ATM: variants seen among roughly 807,000 people sequenced by gnomAD.
ATM encodes the protein ATM serine/threonine kinase.
ATM carries 308 observed loss-of-function variants against 387.0 expected under a neutral mutation model. The ratio of observed to expected loss-of-function variants is 0.80; its 90% CI spans 0.73 to 0.87. The LOEUF (loss-of-function observed/expected upper bound fraction) is 0.87, where lower values mean the gene tolerates loss of function less well. Ranked by LOEUF, ATM falls within the 40% of genes least tolerant of loss-of-function variation. ATM has a pLI of 0.00. For synonymous variants in ATM, 1,156 were observed against 1,187.3 expected, an observed-to-expected ratio of 0.97 and a Z score of 0.54; for missense variants, 3,312 against 3,560.9, an observed-to-expected ratio of 0.93 and a Z score of 1.78.
At chr11:108,348,448 T>C (rs1440999997) in intron 59 of ATM, among the ~76,000 whole-genome samples, 6 of 151,228 alleles carry the variant, frequency 4.0e-5, no homozygotes, top group Non-Finnish European at 7.4e-5. Context: ...AAAGAATATA[T>C]ATAGCTAAGA....
chr11:108,308,596 A>G lies in ATM; in HGVS notation c.5762+612A>G, dbSNP rs4988062. On this transcript the variant is annotated intron_variant, in intron 38 of 62. Coordinates refer to ENST00000675843, the MANE Select transcript of ATM (RefSeq NM_000051.4). ...GATGAGTACTGCTTGAGAGTTGACC[A>G]GAACTCTGAAGAAATAGTGTAGTAG... 1,057 of 193,878 alleles carry G rather than the reference A, an allele frequency of 5.5e-3. 15 individuals carry two copies. The highest frequency in any genetic ancestry group is 0.023 in the African/African-American group (970 of 42,438). 12.0% of individuals were successfully genotyped at this position (193,878 alleles called of 1,614,324 possible).
rs1060501555 is a variant in ATM, at chr11:108,267,247, A to G, written c.2543A>G (p.Glu848Gly). 1 of 1,614,098 alleles carries G rather than the reference A, an allele frequency of 6.2e-7. No individual in the cohort carries two copies. Among genetic ancestry groups the G allele is most frequent in the Non-Finnish European group, 8.5e-7 (1 of 1,179,948 alleles). Residue 848 changes from glutamate to glycine, a missense_variant, in exon 17 of 63, where the codon GAG becomes GGG. Transcript: ENST00000675843. ...GATGATACTAATGGAAATCTAATGG[A>G]GGTGGAGGATCAGTCATCCATGAAT... The part of the protein sequence containing the change: ...MEDDTNGNLM[E>G]VEDQSSMNLF...
chr11:108,348,398 CT>C (rs1166712948), intron 59 of ATM, among the ~76,000 whole-genome samples: 2 of 139,502 alleles, frequency 1.4e-5, no homozygotes, highest in African/African-American at 5.4e-5. Context: ...GAATATGTAG[CT>C]TCTATGTATA....
intron 29 of ATM, among the ~76,000 whole-genome samples, chr11:108,291,165 G>A (rs1447325744): frequency 2.0e-5 from 3 of 152,044 alleles, no homozygotes; most frequent in Non-Finnish European, 4.4e-5. Flanking sequence ...GAACCAGGTA[G>A]GCAGATCTTG....
At chr11:108,299,949 C>T (rs1329747087) in intron 34 of ATM, 64 bp downstream of exon 34, 3 of 1,436,754 alleles carry the variant, frequency 2.1e-6, no homozygotes, top group South Asian at 1.2e-5. Context: ...TGATACTTCA[C>T]ACAAATAGAT....
chr11:108,361,518 G>A (rs2090753457), intron 61 of ATM, among the ~76,000 whole-genome samples: 1 of 151,982 alleles, frequency 6.6e-6, no homozygotes, highest in Non-Finnish European at 1.5e-5. Flanking sequence ...GAACAAAGCT[G>A]GAGGCATCAC....
chr11:108,297,778 G>A (rs781500427), intron 33 of ATM, among the ~76,000 whole-genome samples: 5 of 152,120 alleles, frequency 3.3e-5, no homozygotes, highest in Non-Finnish European at 7.4e-5. Context: ...TGCTAGCTAA[G>A]TTACATGCCT....
At chr11:108,337,497 G>C (rs891965514) in intron 56 of ATM, among the ~76,000 whole-genome samples, 7 of 152,178 alleles carry the variant, frequency 4.6e-5, no homozygotes, top group Non-Finnish European at 1.0e-4. Flanking sequence ...ACAGATTTCT[G>C]ATCCCCATTC....
At chr11:108,264,031 CA>C (rs2135470633) in intron 16 of ATM, among the ~76,000 whole-genome samples, 1 of 150,558 alleles carries the variant, frequency 6.6e-6, no homozygotes, top group Non-Finnish European at 1.5e-5. Context: ...GATGGATTCA[CA>C]GCCGAATTCT....
At chr11:108,360,829 G>C (rs227042) in intron 61 of ATM, among the ~76,000 whole-genome samples, 3,866 of 72,350 alleles carry the variant, frequency 0.053, no homozygotes, top group Middle Eastern at 0.074. Flanking sequence ...GACAAACCCA[G>C]AGCCAATATC....
At chr11:108,225,195 A>T (rs1376817353) in intron 1 of ATM, 1 of 152,190 alleles carries the variant, frequency 6.6e-6, no homozygotes, top group African/African-American at 2.4e-5. Context: ...CATTTTCCTT[A>T]TTGACTCAAG....
intron 38 of ATM, 27 bp from the exon 39 acceptor site, chr11:108,310,129 GTGAA>G: frequency 1.2e-6 from 2 of 1,600,148 alleles, no homozygotes; most frequent in Non-Finnish European, 1.7e-6. Context: ...GTTTAAAAAA[GTGAA>G]TGACATTATA....
chr11:108,295,218 C>T, intron 32 of ATM, 159 bp downstream of exon 32: 1 of 890,948 alleles, frequency 1.1e-6, no homozygotes. Context: ...CTGGTCCTAA[C>T]TGGTCTTCTC....
At chr11:108,329,413 G>GTGT in intron 49 of ATM, 175 bp downstream of exon 49, 1 of 559,156 alleles carries the variant, frequency 1.8e-6, no homozygotes, top group Non-Finnish European at 3.1e-6. Context: ...TTTGTTTTTT[G>GTGT]TTTTTTTTTT....
Position 108,227,601 on chromosome 11 carries a change from A to G in ATM, c.-24A>G, listed in dbSNP as rs890413530. ...ATATGTATTTTTTTTACAGACAGTG[A>G]TGTGTGTTCTGAAATTGTGAACCAT... On this transcript the variant is annotated 5_prime_UTR_variant, in exon 2 of 63. The change abolishes an upstream ATG in the 5' untranslated region. Coordinates refer to ENST00000675843, the MANE Select transcript of ATM (RefSeq NM_000051.4). The G allele has an allele frequency of 5.0e-6, 8 of 1,603,620 alleles. No homozygotes were observed. The African/African-American group carries it at 1.1e-4, about 21-fold the overall frequency.
intron 14 of ATM, among the ~76,000 whole-genome samples, chr11:108,256,658 C>T (rs1374867734): frequency 6.6e-6 from 1 of 152,078 alleles, no homozygotes; most frequent in Non-Finnish European, 1.5e-5. Context: ...CTAATGTTAT[C>T]CCTCCCCTAG....
intron 34 of ATM, among the ~76,000 whole-genome samples, chr11:108,300,577 C>T (rs888101202): frequency 2.0e-5 from 3 of 152,158 alleles, no homozygotes; most frequent in Admixed American, 2.0e-4. Context: ...ACTTCCCTTC[C>T]TCCTTCTCTT....
At position 108,253,833 on chromosome 11, in the gene ATM, A is replaced by T. The variant is rs879254190; in HGVS notation, c.1918A>T (p.Lys640Ter). The change falls in exon 13 of 63, where the codon AAA (lysine) becomes TAA (stop). Residue 640 changes from lysine to a stop codon, truncating the protein, a stop_gained. Transcript: ENST00000675843. LOFTEE classifies it high-confidence loss of function. ...VPECEHHQKD[K>*]EELSFSEVEE... is the part of the protein sequence containing the mutation. Reference sequence around the variant, plus strand: ...TTGAAGTGAACACCACCAAAAAGATAAAGAAGAACTTTCATTCTCAGAAGT... The same window carrying T: ...TTGAAGTGAACACCACCAAAAAGATTAAGAAGAACTTTCATTCTCAGAAGT... 6.2e-7 allele frequency: 1 copy of T among 1,613,716 alleles called. No individual in the cohort carries two copies. Among genetic ancestry groups the T allele is most frequent in the Non-Finnish European group, 8.5e-7 (1 of 1,179,876 alleles).
chr11:108,254,323 A>G (rs755531895), intron 13 of ATM, among the ~76,000 whole-genome samples: 38 of 152,190 alleles, frequency 2.5e-4, no homozygotes, highest in Non-Finnish European at 4.1e-4. Flanking sequence ...TAGGGATTAT[A>G]TGATGAAAAA....
Sources: allele counts gnomAD v4.1 joint callset (sites outside exome capture counted in the v4.1 genomes callset), GRCh38; gene constraint gnomAD v4.1.1; transcripts MANE v1.5; gene names NCBI Gene and HGNC (gene_info 2026-07-23, HGNC 2026-07-21).